RBM20: variants seen among roughly 807,000 people sequenced by gnomAD.
RBM20 encodes RNA-binding protein 20.
A neutral mutation model predicts 110.1 loss-of-function variants in RBM20; 51 were observed. The observed-to-expected ratio is 0.46, with a 90% CI of 0.37 to 0.59. The LOEUF (loss-of-function observed/expected upper bound fraction) is 0.59, where lower values mean the gene tolerates loss of function less well. Among genes scored for constraint, RBM20 ranks in the 20% least tolerant of loss-of-function variants. RBM20 has a pLI of 0.00. For missense variants in RBM20, 1,512 were observed against 1,574.9 expected (o/e 0.96, Z 0.68); for synonymous variants, 589 against 618.2 (o/e 0.95, Z 0.70).
intron 1 of RBM20, among the ~76,000 whole-genome samples, chr10:110,678,021 GAAT>G (rs1564812928): frequency 6.6e-6 from 1 of 152,166 alleles, no homozygotes; most frequent in East Asian, 1.9e-4. Flanking sequence ...GTGATGAATG[GAAT>G]AGGTAATTCT....
intron 1 of RBM20, among the ~76,000 whole-genome samples, chr10:110,767,206 CGG>C (rs1272091267): frequency 1.8e-5 from 2 of 111,472 alleles, no homozygotes; most frequent in African/African-American, 6.9e-5. Flanking sequence ...GCTGGCCGGG[CGG>C]GGGGGCTGAC....
chr10:110,710,713 G>A (rs17829262), intron 1 of RBM20, among the ~76,000 whole-genome samples: 14,313 of 152,296 alleles, frequency 0.094, 938 homozygotes, highest in Non-Finnish European at 0.14. Flanking sequence ...AGGGCACCCT[G>A]GCATCCAGTT....
intron 1 of RBM20, among the ~76,000 whole-genome samples, chr10:110,708,095 T>A (rs1862868904): frequency 6.6e-6 from 1 of 152,214 alleles, no homozygotes; most frequent in African/African-American, 2.4e-5. Context: ...TGAATGAGCA[T>A]TGGCAGGGCT....
upstream of RBM20, among the ~76,000 whole-genome samples, chr10:110,643,921 G>T (rs1020601523): frequency 6.6e-6 from 1 of 152,112 alleles, no homozygotes; most frequent in Non-Finnish European, 1.5e-5. Flanking sequence ...GGGCGCGCTC[G>T]GTCCGCCCGG....
rs1844908931 is a variant in RBM20, at chr10:110,821,485, G to C, written c.2866G>C (p.Asp956His). Residue 956 changes from aspartate to histidine, a missense_variant, in exon 11 of 14, where the codon GAC (aspartate) becomes CAC (histidine). By Grantham distance (81) the Asp-to-His change is moderately conservative. This residue lies in a region of RBM20 where 358 missense variants were observed against 384.2 expected (regional missense o/e 0.93). Coordinates refer to ENST00000369519, the MANE Select transcript of RBM20 (RefSeq NM_001134363.3). ...GTGTGTGACAACCACCTTAGACTTAGACCTGGCCCAGGATTTCCCCAAGGA... is the reference window on the plus strand; with the variant it reads ...GTGTGTGACAACCACCTTAGACTTACACCTGGCCCAGGATTTCCCCAAGGA... The part of the protein sequence containing the change: ...CLCVTTTLDL[D>H]LAQDFPKEGV... The C allele has an allele frequency of 1.9e-6, 3 of 1,551,810 alleles. No individual in the cohort carries two copies. The highest frequency in any genetic ancestry group is 2.6e-6 in the Non-Finnish European group (3 of 1,147,046).
At chr10:110,806,407 G>A (rs1292234667) in intron 7 of RBM20, among the ~76,000 whole-genome samples, 1 of 152,234 alleles carries the variant, frequency 6.6e-6, no homozygotes. Context: ...AAGGCAAAGG[G>A]GAAGCAGACA....
At chr10:110,647,259 T>C (rs1861882442) in intron 1 of RBM20, among the ~76,000 whole-genome samples, 1 of 152,242 alleles carries the variant, frequency 6.6e-6, no homozygotes, top group South Asian at 2.1e-4. Context: ...GCGTGATGAC[T>C]AATAATGAGA....
At chr10:110,746,306 G>C (rs2134976984) in intron 1 of RBM20, among the ~76,000 whole-genome samples, 1 of 152,338 alleles carries the variant, frequency 6.6e-6, no homozygotes, top group South Asian at 2.1e-4. Flanking sequence ...GCCCAGCCCA[G>C]ATTCAAAGGA....
chr10:110,645,954 A>T (rs1431579470), intron 1 of RBM20, among the ~76,000 whole-genome samples: 2 of 152,234 alleles, frequency 1.3e-5, no homozygotes, highest in Non-Finnish European at 2.9e-5. Flanking sequence ...ACTAAATATG[A>T]TTGACAATTT....
intron 10 of RBM20, among the ~76,000 whole-genome samples, chr10:110,820,430 G>A (rs916126160): frequency 1.3e-5 from 2 of 152,124 alleles, no homozygotes; most frequent in South Asian, 2.1e-4. Context: ...GTGTTCCTAC[G>A]AGAAAACATG....
At chr10:110,735,175 G>A (rs1426811494) in intron 1 of RBM20, among the ~76,000 whole-genome samples, 1 of 152,132 alleles carries the variant, frequency 6.6e-6, no homozygotes, top group East Asian at 1.9e-4. Context: ...GCCATAAAGT[G>A]CTTCCTTTAA....
intron 1 of RBM20, among the ~76,000 whole-genome samples, chr10:110,672,765 T>G (rs1467686074): frequency 6.6e-6 from 1 of 152,046 alleles, no homozygotes; most frequent in African/African-American, 2.4e-5. Context: ...TGTACTTGAG[T>G]TTTTCAAATA....
chr10:110,764,428 G>T (rs1844052256), intron 1 of RBM20, among the ~76,000 whole-genome samples: 2 of 152,326 alleles, frequency 1.3e-5, no homozygotes, highest in South Asian at 4.1e-4. Context: ...CAGGAGACCT[G>T]TCTCCATAGA....
chr10:110,806,727 C>T (rs1844700368), intron 7 of RBM20, among the ~76,000 whole-genome samples: 1 of 152,174 alleles, frequency 6.6e-6, no homozygotes, highest in Non-Finnish European at 1.5e-5. Flanking sequence ...ATTCTCTCTA[C>T]TTTTGTGTAT....
intron 1 of RBM20, among the ~76,000 whole-genome samples, chr10:110,702,816 C>T (rs1454840388): frequency 1.3e-5 from 2 of 152,200 alleles, no homozygotes; most frequent in Non-Finnish European, 2.9e-5. Context: ...CTCTGCACCT[C>T]AGTTTCTTCA....
chr10:110,682,823 T>A (rs551851092), intron 1 of RBM20, among the ~76,000 whole-genome samples: 1 of 152,374 alleles, frequency 6.6e-6, no homozygotes, highest in South Asian at 2.1e-4. Flanking sequence ...AACTTTCACC[T>A]GCTAATTTTG....
intron 1 of RBM20, among the ~76,000 whole-genome samples, chr10:110,654,355 A>G (rs1861990651): frequency 6.6e-6 from 1 of 152,208 alleles, no homozygotes; most frequent in Admixed American, 6.5e-5. Context: ...GACTTGATCC[A>G]TGGGTCAGCT....
intron 1 of RBM20, among the ~76,000 whole-genome samples, chr10:110,682,389 A>C (rs1314078955): frequency 6.6e-6 from 1 of 152,154 alleles, no homozygotes; most frequent in Non-Finnish European, 1.5e-5. Context: ...ATCTAGGGCC[A>C]GATAGTAAAG....
At chr10:110,695,542 C>T (rs751423185) in intron 1 of RBM20, among the ~76,000 whole-genome samples, 12 of 152,166 alleles carry the variant, frequency 7.9e-5, no homozygotes, top group African/African-American at 2.4e-4. Flanking sequence ...GCCCAGAGTA[C>T]GAAATCTACA....
Sources: allele counts gnomAD v4.1 joint callset (sites outside exome capture counted in the v4.1 genomes callset), GRCh38; gene constraint gnomAD v4.1.1; regional missense constraint gnomAD v4.1.1; transcripts MANE v1.5; gene names NCBI Gene and HGNC (gene_info 2026-07-23, HGNC 2026-07-21).